Variants in PARP4 observed in about 807,000 individuals in gnomAD.
The protein encoded by PARP4 is protein mono-ADP-ribosyltransferase PARP4.
PARP4 carries 120 observed loss-of-function variants against 187.7 expected under a neutral mutation model. The ratio of observed to expected loss-of-function variants is 0.64; its 90% CI spans 0.55 to 0.74. PARP4 has a LOEUF of 0.74. Among genes scored for constraint, PARP4 ranks in the 30% least tolerant of loss-of-function variants. The pLI is 0.00. For synonymous variants in PARP4, 654 were observed against 740.9 expected (o/e 0.88, Z 1.90); for missense variants, 1,836 against 2,070.5 (o/e 0.89, Z 2.20).
At chr13:24,489,194 A>C (rs1481687115) in intron 10 of PARP4, among the ~76,000 whole-genome samples, 1 of 152,162 alleles carries the variant, frequency 6.6e-6, no homozygotes, top group African/African-American at 2.4e-5. Flanking sequence ...TCTTATCGTA[A>C]TCAAGTTTAA....
At chr13:24,433,017 A>C (rs1031833035) in intron 31 of PARP4, among the ~76,000 whole-genome samples, 1 of 152,086 alleles carries the variant, frequency 6.6e-6, no homozygotes, top group African/African-American at 2.4e-5. Flanking sequence ...CTGTTCTTTG[A>C]TATGTTTAGC....
chr13:24,504,269 A>ATG (rs914300715), intron 1 of PARP4, among the ~76,000 whole-genome samples: 6 of 142,812 alleles, frequency 4.2e-5, no homozygotes, highest in Admixed American at 7.0e-5. Flanking sequence ...TGGAATATGT[A>ATG]TGTGTGTGTA....
chr13:24,511,504 GC>G (rs1283421350), intron 1 of PARP4, among the ~76,000 whole-genome samples: 1 of 152,156 alleles, frequency 6.6e-6, no homozygotes, highest in African/African-American at 2.4e-5. Context: ...GCAGGGAACA[GC>G]CCCGATTCCT....
intron 6 of PARP4, among the ~76,000 whole-genome samples, chr13:24,496,536 C>A: frequency 6.6e-6 from 1 of 152,160 alleles, no homozygotes. Context: ...GAACCCGAGA[C>A]AATGCTACAA....
In PARP4 at chr13:24,502,411, A is replaced by C. The variant is rs746037893; in HGVS notation, c.133-577T>G. Among the ~76,000 whole-genome samples, 5 of 152,354 alleles carry C rather than the reference A, an allele frequency of 3.3e-5. No individual in the cohort carries two copies. The South Asian group carries it at 1.0e-3, about 32-fold the overall frequency. ...AAAATAAAATAATGACGACGTATTA[A>C]CTTCATCCCCACTGTTGTCCCCAGT... On this transcript the variant is annotated intron_variant, in intron 2 of 33. Coordinates refer to ENST00000381989, the MANE Select transcript of PARP4 (RefSeq NM_006437.4).
At chr13:24,473,883 T>C (rs562979745) in intron 15 of PARP4, among the ~76,000 whole-genome samples, 2 of 152,288 alleles carry the variant, frequency 1.3e-5, no homozygotes, top group African/African-American at 2.4e-5. Context: ...CTGGTCTCTG[T>C]GGCTGACTCA....
intron 1 of PARP4, among the ~76,000 whole-genome samples, chr13:24,507,400 G>A (rs11149123): frequency 1 from 152,114 of 152,320 alleles, 75,957 homozygotes; most frequent in Middle Eastern, 1. Flanking sequence ...TGAGGACACA[G>A]TGCCACTGCC....
chr13:24,439,306 AAC>A (rs1316346064), intron 30 of PARP4, among the ~76,000 whole-genome samples: 9 of 142,378 alleles, frequency 6.3e-5, no homozygotes, highest in Non-Finnish European at 1.4e-4. Context: ...CAGCCTGGGC[AAC>A]AGAGTAAGAC....
chr13:24,468,542 T>C (rs1187273752), intron 17 of PARP4, among the ~76,000 whole-genome samples: 1 of 151,890 alleles, frequency 6.6e-6, no homozygotes, highest in Non-Finnish European at 1.5e-5. Flanking sequence ...GTAGCTGGGA[T>C]TACAGGTACC....
intron 28 of PARP4, 143 bp downstream of exon 28, chr13:24,443,507 A>G: frequency 1.6e-6 from 1 of 643,516 alleles, no homozygotes; most frequent in Admixed American, 2.4e-5. Flanking sequence ...TCCCAGGCAC[A>G]GTGTCACAGA....
At chr13:24,476,273 C>T (rs190791465) in intron 14 of PARP4, among the ~76,000 whole-genome samples, 1 of 152,174 alleles carries the variant, frequency 6.6e-6, no homozygotes, top group Non-Finnish European at 1.5e-5. Flanking sequence ...GCTCTTCTGC[C>T]TTTTTAATGT....
chr13:24,475,671 T>C (rs1872947918), intron 14 of PARP4, 75 bp from the exon 15 acceptor site: 1 of 1,408,772 alleles, frequency 7.1e-7, no homozygotes, highest in African/African-American at 1.4e-5. Flanking sequence ...CTTTATTCCT[T>C]CTTCAAGCCT....
rs1872243447 is a variant in PARP4, at chr13:24,462,189, C to G, written c.2134-2053G>C. Among the ~76,000 whole-genome samples, 3 of 152,198 alleles carry G rather than the reference C, an allele frequency of 2.0e-5. No homozygotes were observed. The South Asian group carries it at 6.2e-4, about 32-fold the overall frequency. On this transcript the variant is annotated intron_variant, in intron 17 of 33. Transcript: ENST00000381989. ...CACATCAAGCAACAGCAGCCTAGCA[C>G]TGCGGGAGGGGAAGAGTTGCTGTAA...
At chr13:24,484,538 C>T (rs1873450303) in intron 12 of PARP4, 115 bp downstream of exon 12, 1 of 695,888 alleles carries the variant, frequency 1.4e-6, no homozygotes, top group Non-Finnish European at 2.6e-6. Flanking sequence ...ACATTGAGGT[C>T]ATATATAATA....
rs555079664 is a variant in PARP4 at position 24,501,926 on chromosome 13, T to G, written c.133-92A>C. 21 of 774,352 alleles carry G rather than the reference T, an allele frequency of 2.7e-5. No individual in the cohort carries two copies. The African/African-American group carries it at 2.8e-4, about 10-fold the overall frequency. The allele number at this position is 774,352 out of a possible 1,614,324, so 48.0% of individuals were successfully genotyped here. On this transcript the variant is annotated intron_variant, in intron 2 of 33. Transcript: ENST00000381989. ...CTGTAATTTTCACCCTTAGAAAGTA[T>G]TAAGGTAGTTTGTGATAATCTTTCT... is the stretch of plus-strand genomic sequence containing the variant.
Position 24,424,929 on chromosome 13 carries a change from C to G in PARP4, c.4979+1537G>C, listed in dbSNP as rs553253323. ...CGATCTCCCAACCTCGTGATCTGCCCACCTCGGCCTCCCAAAGTGCTGGGA... is the reference window on the plus strand; with the variant it reads ...CGATCTCCCAACCTCGTGATCTGCCGACCTCGGCCTCCCAAAGTGCTGGGA... On this transcript the variant is annotated intron_variant, in intron 33 of 33. Transcript: ENST00000381989. 1.2e-3 allele frequency among the ~76,000 whole-genome samples: 175 copies of G among 151,876 alleles called. 3 individuals carry two copies. The East Asian group carries it at 0.018, about 16-fold the overall frequency.
chr13:24,493,880 C>T (rs1593646987), intron 7 of PARP4, 147 bp from the exon 8 acceptor site: 2 of 712,268 alleles, frequency 2.8e-6, no homozygotes, highest in East Asian at 5.4e-5. Context: ...TAAATCCTTT[C>T]TCTACTAGAT....
At chr13:24,501,182 G>C (rs1339546044) in intron 3 of PARP4, among the ~76,000 whole-genome samples, 4 of 152,110 alleles carry the variant, frequency 2.6e-5, no homozygotes, top group Non-Finnish European at 5.9e-5. Flanking sequence ...CATTTTTCAT[G>C]TCCAAAGGCT....
In PARP4 at chr13:24,452,538, C is replaced by T; in HGVS notation, c.2882G>A (p.Ser961Asn). Residue 961 changes from serine (S) to asparagine (N), a missense_variant, in exon 24 of 34, where the codon AGC (serine) becomes AAC (asparagine). By Grantham distance (46) the Ser-to-Asn change is conservative. Coordinates refer to ENST00000381989, the MANE Select transcript of PARP4 (RefSeq NM_006437.4). ...TDFWKTLRYL[S>N]LLYPARGSRN... is the part of the protein sequence containing the mutation. ...TGACCCTCGAGCAGGGTACAATAAG[C>T]TAAGATATCGGAGTGTTTTCCAGAA... The T allele has an allele frequency of 6.2e-7, 1 of 1,614,100 alleles. No individual in the cohort carries two copies. The highest frequency in any genetic ancestry group is 8.5e-7 in the Non-Finnish European group (1 of 1,179,998).
Sources: allele counts gnomAD v4.1 joint callset (sites outside exome capture counted in the v4.1 genomes callset), GRCh38; gene constraint gnomAD v4.1.1; transcripts MANE v1.5; gene names NCBI Gene and HGNC (gene_info 2026-07-23, HGNC 2026-07-21).